IPMK: variants seen among roughly 807,000 people sequenced by gnomAD.
IPMK encodes the protein inositol polyphosphate multikinase.
In IPMK, 17 loss-of-function variants were observed where a neutral mutation model predicts 45.8. The ratio of observed to expected loss-of-function variants is 0.37; its 90% CI spans 0.25 to 0.56. The LOEUF (loss-of-function observed/expected upper bound fraction) is 0.56. Among genes scored for constraint, IPMK ranks in the 20% least tolerant of loss-of-function variants. The probability of loss-of-function intolerance (pLI) is 0.79; values close to 1 mark genes in which losing one functional copy is unlikely to be tolerated. For missense variants in IPMK, 399 were observed against 498.0 expected (o/e 0.80, Z 1.89); for synonymous variants, 180 against 184.3 (o/e 0.98, Z 0.19).
chr10:58,230,023 G>C (rs1250271733), intron 2 of IPMK, among the ~76,000 whole-genome samples: 2 of 152,234 alleles, frequency 1.3e-5, no homozygotes. Context: ...GCATGGCTCA[G>C]TGGGTCCCAT....
intron 1 of IPMK, among the ~76,000 whole-genome samples, chr10:58,257,247 C>A (rs2132264748): frequency 6.6e-6 from 1 of 152,250 alleles, no homozygotes; most frequent in Non-Finnish European, 1.5e-5. Flanking sequence ...GTAATCCCAG[C>A]ACTTTGGGAC....
At chr10:58,253,208 T>G (rs1838911070) in intron 1 of IPMK, among the ~76,000 whole-genome samples, 1 of 152,220 alleles carries the variant, frequency 6.6e-6, no homozygotes, top group Non-Finnish European at 1.5e-5. Context: ...AATATGACTT[T>G]GCTCCTCATT....
At chr10:58,224,101 T>C (rs1046177777) in intron 3 of IPMK, among the ~76,000 whole-genome samples, 2 of 152,176 alleles carry the variant, frequency 1.3e-5, no homozygotes, top group African/African-American at 2.4e-5. Flanking sequence ...GCAGAAAGAA[T>C]AATAAGTAGA....
intron 1 of IPMK, among the ~76,000 whole-genome samples, chr10:58,250,236 G>C (rs1838862258): frequency 6.6e-6 from 1 of 152,166 alleles, no homozygotes; most frequent in African/African-American, 2.4e-5. Context: ...TTGGTGATTT[G>C]ATAGGGATTA....
At chr10:58,233,521 C>T (rs768182572) in intron 2 of IPMK, among the ~76,000 whole-genome samples, 15 of 152,036 alleles carry the variant, frequency 9.9e-5, no homozygotes, top group African/African-American at 2.4e-4. Context: ...GTTTAACATA[C>T]GCAAATCAAT....
At chr10:58,256,614 C>A (rs760934327) in intron 1 of IPMK, among the ~76,000 whole-genome samples, 1 of 152,116 alleles carries the variant, frequency 6.6e-6, no homozygotes, top group Non-Finnish European at 1.5e-5. Flanking sequence ...ACTCCCTGTT[C>A]GTACCCCCCT....
intron 3 of IPMK, among the ~76,000 whole-genome samples, chr10:58,221,155 T>A (rs1262589782): frequency 6.6e-6 from 1 of 152,202 alleles, no homozygotes; most frequent in Non-Finnish European, 1.5e-5. Context: ...AACCTACTTA[T>A]TACATATTGA....
chr10:58,213,727 T>C (rs1588955556), intron 4 of IPMK, among the ~76,000 whole-genome samples: 1 of 151,000 alleles, frequency 6.6e-6, no homozygotes, highest in Non-Finnish European at 1.5e-5. Context: ...AGAAATGGGC[T>C]GGCAAAGAAG....
chr10:58,221,480 A>T (rs193136886), intron 3 of IPMK, among the ~76,000 whole-genome samples: 120 of 152,290 alleles, frequency 7.9e-4, no homozygotes, highest in African/African-American at 2.5e-3. Context: ...ATAATAACAT[A>T]AAAAAGATGA....
chr10:58,214,268 G>A (rs989201668), intron 4 of IPMK, among the ~76,000 whole-genome samples: 6 of 152,166 alleles, frequency 3.9e-5, no homozygotes, highest in African/African-American at 7.2e-5. Flanking sequence ...TCAATGTGAC[G>A]GGAAAGAACA....
At chr10:58,205,129 A>T (rs1838052789) in intron 4 of IPMK, among the ~76,000 whole-genome samples, 1 of 152,234 alleles carries the variant, frequency 6.6e-6, no homozygotes, top group Non-Finnish European at 1.5e-5. Flanking sequence ...TAACATTCTT[A>T]CAAGAAAAAT....
Position 58,228,723 on chromosome 10 carries a change from C to T in IPMK, c.277-1584G>A, listed in dbSNP as rs180904123. On this transcript the variant is annotated intron_variant, in intron 2 of 5. Coordinates refer to ENST00000373935, the MANE Select transcript of IPMK (RefSeq NM_152230.5). ...TAATTTTTTATATTTTTAGTAGAGACGAGGTTTCACCGTGTTAGCCAGGAT... is the reference window on the plus strand; with the variant it reads ...TAATTTTTTATATTTTTAGTAGAGATGAGGTTTCACCGTGTTAGCCAGGAT... 5.4e-3 allele frequency among the ~76,000 whole-genome samples: 825 copies of T among 152,238 alleles called. 6 individuals are homozygous for T. The highest frequency in any genetic ancestry group is 9.8e-3 in the Non-Finnish European group (669 of 68,008).
At position 58,207,120 on chromosome 10, in the gene IPMK, A is replaced by G. The variant is rs537839429; in HGVS notation, c.547-7799T>C. 3.9e-4 allele frequency among the ~76,000 whole-genome samples: 59 copies of G among 152,334 alleles called. 2 individuals carry two copies. Among genetic ancestry groups the G allele is most frequent in the African/African-American group, 1.3e-3 (56 of 41,576 alleles). ...TGGGTTCAAGCGATTCTCCTGCCTCAGCCTCCTGAGTAGCTAGGACTACAG... is the reference window on the plus strand; with the variant it reads ...TGGGTTCAAGCGATTCTCCTGCCTCGGCCTCCTGAGTAGCTAGGACTACAG... On this transcript the variant is annotated intron_variant, in intron 4 of 5. Transcript: ENST00000373935.
At chr10:58,228,461 T>A (rs113040407) in intron 2 of IPMK, among the ~76,000 whole-genome samples, 2,696 of 152,342 alleles carry the variant, frequency 0.018, 89 homozygotes, top group African/African-American at 0.059. Context: ...TTTAGAATAT[T>A]TTTTAAAAGT....
chr10:58,233,486 G>C (rs1838559064), intron 2 of IPMK, among the ~76,000 whole-genome samples: 1 of 152,172 alleles, frequency 6.6e-6, no homozygotes, highest in African/African-American at 2.4e-5. Flanking sequence ...GATCAAGTTG[G>C]CTTCATCTCT....
At chr10:58,257,031 G>A (rs745367532) in intron 1 of IPMK, among the ~76,000 whole-genome samples, 16 of 152,116 alleles carry the variant, frequency 1.1e-4, no homozygotes, top group African/African-American at 3.1e-4. Flanking sequence ...ACACCACCAC[G>A]CTCTGGTCTG....
intron 3 of IPMK, among the ~76,000 whole-genome samples, chr10:58,218,850 C>T (rs1341723262): frequency 1.3e-5 from 2 of 152,080 alleles, no homozygotes; most frequent in Non-Finnish European, 2.9e-5. Context: ...GAGGAAAATA[C>T]AAATGCAAAC....
intron 1 of IPMK, among the ~76,000 whole-genome samples, chr10:58,251,081 A>C (rs1222178324): frequency 6.6e-6 from 1 of 152,136 alleles, no homozygotes; most frequent in East Asian, 1.9e-4. Flanking sequence ...ACTCATTGAG[A>C]TGCATCATTA....
In IPMK at chr10:58,193,544, T is replaced by C. The variant is rs1837846627; in HGVS notation, c.*2532A>G. On this transcript the variant is annotated 3_prime_UTR_variant, in exon 6 of 6. Coordinates refer to ENST00000373935, the MANE Select transcript of IPMK (RefSeq NM_152230.5). ...CTATCCATATTAAAATATCAATTAA[T>C]GTAAATATTATAAAACTATTATACA... 1 of 151,880 alleles carries C rather than the reference T, an allele frequency of 6.6e-6. No homozygotes were observed. Among genetic ancestry groups the C allele is most frequent in the Non-Finnish European group, 1.5e-5 (1 of 67,778 alleles). 9.4% of individuals were successfully genotyped at this position (151,880 alleles called of 1,614,324 possible).
Sources: gnomAD v4.1 joint callset for allele counts (sites outside exome capture counted in the v4.1 genomes callset) on GRCh38, gnomAD v4.1.1 for gene constraint, MANE v1.5 for transcripts, NCBI Gene and HGNC (gene_info 2026-07-23, HGNC 2026-07-21) for gene names.